CLASP2: variants seen among roughly 807,000 people sequenced by gnomAD.
CLASP2 encodes cytoplasmic linker associated protein 2.
CLASP2 carries 47 observed loss-of-function variants against 194.4 expected under a neutral mutation model. The observed-to-expected ratio is 0.24, with a 90% CI of 0.19 to 0.31. The LOEUF (loss-of-function observed/expected upper bound fraction) is 0.31. CLASP2 is among the 10% of genes least tolerant of loss of function. The pLI is 1.00. For missense variants in CLASP2, 1,445 were observed against 1,823.6 expected (o/e 0.79, Z 3.78); for synonymous variants, 619 against 633.5 (o/e 0.98, Z 0.34).
At chr3:33,587,107 G>A (rs1285003933) in intron 21 of CLASP2, among the ~76,000 whole-genome samples, 2 of 152,044 alleles carry the variant, frequency 1.3e-5, no homozygotes, top group Non-Finnish European at 2.9e-5. Flanking sequence ...CCATGGGCTG[G>A]CGATCTGTGA....
chr3:33,623,482 AT>A (rs869217111), intron 10 of CLASP2, among the ~76,000 whole-genome samples: 207 of 143,938 alleles, frequency 1.4e-3, no homozygotes, highest in Middle Eastern at 3.6e-3. Flanking sequence ...CTCAAGTTCA[AT>A]TTTTTTTTTT....
chr3:33,576,467 T>A, intron 23 of CLASP2, 192 bp from the exon 24 acceptor site: 1 of 529,272 alleles, frequency 1.9e-6, no homozygotes, highest in Non-Finnish European at 3.4e-6. Flanking sequence ...TTAAAATTAC[T>A]GACAATGTGT....
At chr3:33,503,297 C>T (rs1341201347) in intron 37 of CLASP2, 1 of 152,016 alleles carries the variant, frequency 6.6e-6, no homozygotes, top group Non-Finnish European at 1.5e-5. Context: ...CACCTTTTGG[C>T]TACTGTGAAT....
intron 34 of CLASP2, among the ~76,000 whole-genome samples, chr3:33,517,437 A>G (rs2051642455): frequency 6.6e-6 from 1 of 152,196 alleles, no homozygotes; most frequent in Non-Finnish European, 1.5e-5. Context: ...CAGATTTAAC[A>G]GTTTTTAAGA....
chr3:33,520,421 A>G lies in CLASP2; in HGVS notation c.3788-3247T>C, dbSNP rs539001403. On this transcript the variant is annotated intron_variant, in intron 34 of 38. Coordinates refer to ENST00000682230, the MANE Select transcript of CLASP2 (RefSeq NM_001365631.1). ...CCAGGCATTAGTACACAGATTCCCA[A>G]ACAAACTATAAGGAGGGTATCCACT... Among the ~76,000 whole-genome samples the G allele has an allele frequency of 5.9e-5, 9 of 152,342 alleles. No homozygotes were observed. The South Asian group carries it at 1.9e-3, about 32-fold the overall frequency.
intron 18 of CLASP2, among the ~76,000 whole-genome samples, chr3:33,601,311 T>C (rs1215875597): frequency 1.3e-5 from 2 of 152,146 alleles, no homozygotes; most frequent in Non-Finnish European, 2.9e-5. Context: ...ACCCTTAACT[T>C]TTGTGTTATA....
intron 2 of CLASP2, among the ~76,000 whole-genome samples, chr3:33,696,534 C>A (rs912856345): frequency 2.7e-5 from 4 of 149,694 alleles, no homozygotes; most frequent in Non-Finnish European, 4.4e-5. Flanking sequence ...GGCATGATCT[C>A]AGCTCACTGC....
chr3:33,525,065 A>G (rs2054152323), intron 34 of CLASP2, among the ~76,000 whole-genome samples: 3 of 152,242 alleles, frequency 2.0e-5, no homozygotes, highest in Non-Finnish European at 4.4e-5. Flanking sequence ...ATATGGATAT[A>G]AAACATAGTA....
intron 5 of CLASP2, among the ~76,000 whole-genome samples, chr3:33,686,517 G>A (rs1377791958): frequency 6.6e-6 from 1 of 152,162 alleles, no homozygotes; most frequent in African/African-American, 2.4e-5. Context: ...AATACCTGAT[G>A]ATCTGAGGTA....
At chr3:33,538,993 A>G in intron 32 of CLASP2, 51 bp from the exon 33 acceptor site, 1 of 1,324,042 alleles carries the variant, frequency 7.6e-7, no homozygotes, top group Non-Finnish European at 1.0e-6. Context: ...TTAAAATACA[A>G]ACACATCTGA....
At chr3:33,518,639 G>T (rs952785055) in intron 34 of CLASP2, among the ~76,000 whole-genome samples, 5 of 152,188 alleles carry the variant, frequency 3.3e-5, no homozygotes, top group Admixed American at 2.0e-4. Context: ...GACTTTCAAA[G>T]ATGTTAAAGG....
At chr3:33,514,923 A>G (rs1243037097) in intron 36 of CLASP2, among the ~76,000 whole-genome samples, 2 of 152,204 alleles carry the variant, frequency 1.3e-5, no homozygotes, top group Non-Finnish European at 2.9e-5. Context: ...ATCCACAGCA[A>G]CCTGGATGGA....
intron 1 of CLASP2, among the ~76,000 whole-genome samples, chr3:33,716,506 G>A (rs926832228): frequency 5.3e-5 from 8 of 152,136 alleles, no homozygotes; most frequent in Non-Finnish European, 7.3e-5. Flanking sequence ...TCTTAACTTC[G>A]GAAGGGGTGC....
chr3:33,558,814 G>T (rs1040975930), intron 29 of CLASP2: 1 of 154,278 alleles, frequency 6.5e-6, no homozygotes, highest in Non-Finnish European at 1.4e-5. Context: ...TAAAATACCC[G>T]TTAAAATGCC....
chr3:33,688,383 AG>A lies in CLASP2; in HGVS notation c.379-16del. The A allele has an allele frequency of 6.5e-7, 1 of 1,539,372 alleles. No homozygotes were observed. On this transcript the variant is annotated splice_polypyrimidine_tract_variant and intron_variant, in intron 3 of 38. Transcript: ENST00000682230. ...TCCCAAATGTACTATTTGAAAGAAA[AG>A]TAAAAACGTATAACAAAAAACTAAA...
intron 13 of CLASP2, among the ~76,000 whole-genome samples, chr3:33,609,176 A>G (rs2074572496): frequency 6.6e-6 from 1 of 151,318 alleles, no homozygotes; most frequent in East Asian, 2.0e-4. Flanking sequence ...GCTACTTGAG[A>G]GGTGGAGGCA....
At chr3:33,564,490 T>C (rs1233796707) in intron 27 of CLASP2, among the ~76,000 whole-genome samples, 1 of 152,212 alleles carries the variant, frequency 6.6e-6, no homozygotes, top group Non-Finnish European at 1.5e-5. Context: ...CTGAGTTTCC[T>C]AAGTAGAAAT....
At chr3:33,545,781 G>A (rs1559957872) in intron 30 of CLASP2, among the ~76,000 whole-genome samples, 1 of 152,004 alleles carries the variant, frequency 6.6e-6, no homozygotes, top group Admixed American at 6.6e-5. Flanking sequence ...GTGGTGGTGT[G>A]TGCTTGTAAT....
chr3:33,570,828 G>A (rs370137688), intron 25 of CLASP2, 38 bp from the exon 26 acceptor site: 60 of 1,434,126 alleles, frequency 4.2e-5, no homozygotes, highest in Non-Finnish European at 5.2e-5. Context: ...ATATCTTGCT[G>A]TAGCAAGAAG....
Sources: allele counts gnomAD v4.1 joint callset (sites outside exome capture counted in the v4.1 genomes callset), GRCh38; gene constraint gnomAD v4.1.1; transcripts MANE v1.5; gene names NCBI Gene and HGNC (gene_info 2026-07-23, HGNC 2026-07-21).